Variants in GID8 observed in about 807,000 individuals in gnomAD.
GID8 encodes the protein GID complex subunit 8 homolog.
A neutral mutation model predicts 27.4 loss-of-function variants in GID8; 6 were observed. The observed-to-expected ratio is 0.22, with a 90% CI of 0.12 to 0.43. GID8 has a LOEUF of 0.43. Among genes scored for constraint, GID8 ranks in the 20% least tolerant of loss-of-function variants. The pLI, the probability that GID8 is intolerant of heterozygous loss-of-function variation, is 1.00. For synonymous variants in GID8, 112 were observed against 109.0 expected (o/e 1.03, Z -0.17); for missense variants, 173 against 287.6 (o/e 0.60, Z 2.88).
In GID8 at chr20:62,943,509, C is replaced by T. The variant is rs201601365; in HGVS notation, c.330C>T (p.Ile110=). ...LYFHLQQQHL[I]ELIRQRETEA... ...TCTGCCTCCAGCAACAGCATTTGAT[C>T]GAGCTGATCCGCCAGCGGGAGACAG... Residue 110 remains isoleucine, a synonymous_variant, in exon 4 of 5, where the codon ATC becomes ATT. Coordinates refer to ENST00000266069, the MANE Select transcript of GID8 (RefSeq NM_017896.3). The surrounding 1 kb of genome is among the most constrained non-coding windows in gnomAD (Gnocchi z 4.7). 42 of 1,612,128 alleles carry T rather than the reference C, an allele frequency of 2.6e-5. No individual in the cohort carries two copies. Among genetic ancestry groups the T allele is most frequent in the Admixed American group, 1.3e-4 (8 of 60,022 alleles).
chr20:62,947,973 G>A lies in GID8; in HGVS notation c.*3061G>A, dbSNP rs1200585333. The A allele has an allele frequency of 1.3e-5, 2 of 152,230 alleles. No homozygotes were observed. Among genetic ancestry groups the A allele is most frequent in the African/African-American group, 4.8e-5 (2 of 41,444 alleles). The allele number at this position is 152,230 out of a possible 1,614,324, so 9.4% of individuals were successfully genotyped here. The stretch of plus-strand genomic sequence containing the variant: ...TGAAGACATTGATGTCATAGGGAGC[G>A]GGGAGCTGCATTCCCTTCTGGGCTG... On this transcript the variant is annotated 3_prime_UTR_variant, in exon 5 of 5. Transcript: ENST00000266069.
chr20:62,948,059 G>A lies in GID8; in HGVS notation c.*3147G>A, dbSNP rs2065473788. On this transcript the variant is annotated 3_prime_UTR_variant, in exon 5 of 5. Transcript: ENST00000266069. Reference sequence around the variant, plus strand: ...AAAGCTTGGTGGCCAAGCAGTCTGTGTGCTTCCCCGCTGATGGAGAACGTT... The same window carrying A: ...AAAGCTTGGTGGCCAAGCAGTCTGTATGCTTCCCCGCTGATGGAGAACGTT... 2 of 152,352 alleles carry A rather than the reference G, an allele frequency of 1.3e-5. No individual in the cohort carries two copies. Among genetic ancestry groups the A allele is most frequent in the East Asian group, 1.9e-4 (1 of 5,184 alleles). The allele number at this position is 152,352 out of a possible 1,614,324, so 9.4% of individuals were successfully genotyped here.
chr20:62,944,968 A>C lies in GID8; in HGVS notation c.*56A>C. ...AGCCCTGCGTCGTGGGACTTGCCTC[A>C]GATCAGCCTGCGACTGCAAGATTCT... On this transcript the variant is annotated 3_prime_UTR_variant, in exon 5 of 5. Coordinates refer to ENST00000266069, the MANE Select transcript of GID8 (RefSeq NM_017896.3). The C allele has an allele frequency of 6.5e-7, 1 of 1,550,320 alleles. No individual in the cohort carries two copies. Among genetic ancestry groups the C allele is most frequent in the Non-Finnish European group, 8.7e-7 (1 of 1,146,510 alleles).
chr20:62,943,741 G>A lies in GID8; in HGVS notation c.513+49G>A, dbSNP rs1444946728. 1.4e-6 allele frequency: 2 copies of A among 1,456,706 alleles called. No individual in the cohort carries two copies. The highest frequency in any genetic ancestry group is 2.8e-5 in the African/African-American group (2 of 71,648). The allele number at this position is 1,456,706 out of a possible 1,614,324, so 90.2% of individuals were successfully genotyped here. On this transcript the variant is annotated intron_variant, in intron 4 of 4. Coordinates refer to ENST00000266069, the MANE Select transcript of GID8 (RefSeq NM_017896.3). This position sits in a 1 kb window ranked among gnomAD's most constrained non-coding sequence, Gnocchi z 4.7. ...TTCTTCCATTCCCCATGTGCTCTGA[G>A]GGGGCTTCGTGACAACGCCAAGTGT...
At chr20:62,941,022 T>C (rs2147629498) in intron 1 of GID8, among the ~76,000 whole-genome samples, 1 of 152,348 alleles carries the variant, frequency 6.6e-6, no homozygotes, top group East Asian at 1.9e-4. Flanking sequence ...CCAAAACCCA[T>C]CTGCCCAAGG....
chr20:62,945,809 T>C lies in GID8; in HGVS notation c.*897T>C. On this transcript the variant is annotated 3_prime_UTR_variant, in exon 5 of 5. Coordinates refer to ENST00000266069, the MANE Select transcript of GID8 (RefSeq NM_017896.3). Reference sequence around the variant, plus strand: ...TTAGAGCGAGGCAGCCCTTGGCCGGTGGGGACGCAGAGCCCCAGCAGGTGG... The same window carrying C: ...TTAGAGCGAGGCAGCCCTTGGCCGGCGGGGACGCAGAGCCCCAGCAGGTGG... 2.3e-6 allele frequency: 3 copies of C among 1,286,698 alleles called. No homozygotes were observed. Among genetic ancestry groups the C allele is most frequent in the Admixed American group, 4.6e-5 (2 of 43,464 alleles). 79.7% of individuals were successfully genotyped at this position (1,286,698 alleles called of 1,614,324 possible).
intron 1 of GID8, among the ~76,000 whole-genome samples, chr20:62,940,351 A>T (rs1201454529): frequency 9.0e-5 from 10 of 111,312 alleles, no homozygotes; most frequent in Admixed American, 1.9e-4. Flanking sequence ...TGCCCGGCAA[A>T]TTTTTTTTTT....
Position 62,945,982 on chromosome 20 carries a change from G to T in GID8, c.*1070G>T. On this transcript the variant is annotated 3_prime_UTR_variant, in exon 5 of 5. Coordinates refer to ENST00000266069, the MANE Select transcript of GID8 (RefSeq NM_017896.3). Reference sequence around the variant, plus strand: ...AGAACTGTCCCCTGCTCCGTGGTGGGCAGGAGGGAAGTGGTGCAGGGCTGC... The same window carrying T: ...AGAACTGTCCCCTGCTCCGTGGTGGTCAGGAGGGAAGTGGTGCAGGGCTGC... 7.8e-7 allele frequency: 1 copy of T among 1,289,476 alleles called. No individual in the cohort carries two copies. The highest frequency in any genetic ancestry group is 1.0e-6 in the Non-Finnish European group (1 of 988,876). 79.9% of individuals were successfully genotyped at this position (1,289,476 alleles called of 1,614,324 possible).
At position 62,945,495 on chromosome 20, in the gene GID8, TGA is replaced by T. The variant is rs1373476048; in HGVS notation, c.*585_*586del. On this transcript the variant is annotated 3_prime_UTR_variant, in exon 5 of 5. Coordinates refer to ENST00000266069, the MANE Select transcript of GID8 (RefSeq NM_017896.3). ...TTGTGTGGCTTTTGGGGGATGCGTGTGAGGGGGCTATGTGTTTTTTAATTTTT... is the reference window on the plus strand; with the variant it reads ...TTGTGTGGCTTTTGGGGGATGCGTGTGGGGGCTATGTGTTTTTTAATTTTT... The T allele has an allele frequency of 9.7e-7, 1 of 1,033,432 alleles. No individual in the cohort carries two copies. The highest frequency in any genetic ancestry group is 1.2e-6 in the Non-Finnish European group (1 of 857,754). The allele number at this position is 1,033,432 out of a possible 1,614,324, so 64.0% of individuals were successfully genotyped here. A position where few individuals can be genotyped will look rare whatever the true frequency, so the allele number is the denominator to read the frequency against.
chr20:62,939,791 A>G (rs2065431597), intron 1 of GID8, among the ~76,000 whole-genome samples: 1 of 152,168 alleles, frequency 6.6e-6, no homozygotes, highest in Non-Finnish European at 1.5e-5. Flanking sequence ...ACCACCCTGC[A>G]TTCATCCCAT....
At chr20:62,942,888 A>G in intron 2 of GID8, 99 bp from the exon 3 acceptor site, 1 of 781,554 alleles carries the variant, frequency 1.3e-6, no homozygotes, top group Non-Finnish European at 2.2e-6. Flanking sequence ...TTCACATCAG[A>G]GGTTATTAAT....
intron 2 of GID8, among the ~76,000 whole-genome samples, chr20:62,942,007 G>A (rs376881007): frequency 2.6e-5 from 4 of 152,300 alleles, no homozygotes; most frequent in East Asian, 1.9e-4. Context: ...GAGCAGAAGC[G>A]TGCAGAGGGA....
Position 62,947,883 on chromosome 20 carries a change from C to A in GID8, c.*2971C>A, listed in dbSNP as rs1488812810. On this transcript the variant is annotated 3_prime_UTR_variant, in exon 5 of 5. Coordinates refer to ENST00000266069, the MANE Select transcript of GID8 (RefSeq NM_017896.3). ...TGTCTTTGCTTTCTTATTTCTCTTT[C>A]TCTGCGTTGTTAGTTTTGAAGAGTG... 1 of 152,256 alleles carries A rather than the reference C, an allele frequency of 6.6e-6. No homozygotes were observed. Among genetic ancestry groups the A allele is most frequent in the Non-Finnish European group, 1.5e-5 (1 of 68,056 alleles). 9.4% of individuals were successfully genotyped at this position (152,256 alleles called of 1,614,324 possible).
chr20:62,942,006 C>T (rs1004700198), intron 2 of GID8, among the ~76,000 whole-genome samples: 4 of 152,126 alleles, frequency 2.6e-5, no homozygotes, highest in East Asian at 3.8e-4. Context: ...AGAGCAGAAG[C>T]GTGCAGAGGG....
intron 4 of GID8, among the ~76,000 whole-genome samples, chr20:62,944,519 C>A (rs2065457096): frequency 6.6e-6 from 1 of 152,182 alleles, no homozygotes; most frequent in South Asian, 2.1e-4. Flanking sequence ...CCCCTCAGCA[C>A]TTTGTTCAAG....
rs1463879962 is a variant in GID8 at position 62,946,563 on chromosome 20, T to C, written c.*1651T>C. ...TCCAGTAAGAGATGCAAAGATAAAA[T>C]TGCTGCGGTTGTTACAGAAGCATGG... On this transcript the variant is annotated 3_prime_UTR_variant, in exon 5 of 5. Coordinates refer to ENST00000266069, the MANE Select transcript of GID8 (RefSeq NM_017896.3). 1 of 152,760 alleles carries C rather than the reference T, an allele frequency of 6.5e-6. No individual in the cohort carries two copies. The highest frequency in any genetic ancestry group is 1.5e-5 in the Non-Finnish European group (1 of 68,452). The allele number at this position is 152,760 out of a possible 1,614,324, so 9.5% of individuals were successfully genotyped here. A position where few individuals can be genotyped will look rare whatever the true frequency, so the allele number is the denominator to read the frequency against.
At position 62,945,670 on chromosome 20, in the gene GID8, T is replaced by C. The variant is rs2065463261; in HGVS notation, c.*758T>C. ...TGGCCTCTAAAAGATGTTAATCATC[T>C]CAAATGACCTTTTGTCTTTGGGGCG... is the stretch of plus-strand genomic sequence containing the variant. On this transcript the variant is annotated 3_prime_UTR_variant, in exon 5 of 5. Transcript: ENST00000266069. 8 of 1,181,234 alleles carry C rather than the reference T, an allele frequency of 6.8e-6. No homozygotes were observed. In the South Asian group the frequency reaches 1.1e-4, roughly 16 times the overall value. The allele number at this position is 1,181,234 out of a possible 1,614,324, so 73.2% of individuals were successfully genotyped here. A position where few individuals can be genotyped will look rare whatever the true frequency, so the allele number is the denominator to read the frequency against.
At chr20:62,944,510 C>T (rs2065457039) in intron 4 of GID8, among the ~76,000 whole-genome samples, 2 of 152,144 alleles carry the variant, frequency 1.3e-5, no homozygotes, top group Non-Finnish European at 2.9e-5. Flanking sequence ...TCTCCCAGTC[C>T]CCTCAGCACT....
chr20:62,942,803 A>T (rs2065449273), intron 2 of GID8, among the ~76,000 whole-genome samples, 184 bp from the exon 3 acceptor site: 1 of 152,228 alleles, frequency 6.6e-6, no homozygotes, highest in South Asian at 2.1e-4. Context: ...TACTCTTCTC[A>T]TTTTCTATAT....
Sources: allele counts gnomAD v4.1 joint callset (sites outside exome capture counted in the v4.1 genomes callset), GRCh38; gene constraint gnomAD v4.1.1; non-coding constraint Gnocchi (gnomAD v3.1); transcripts MANE v1.5; gene names NCBI Gene and HGNC (gene_info 2026-07-23, HGNC 2026-07-21).